MICOS13: variants seen among roughly 807,000 people sequenced by gnomAD.
The protein encoded by MICOS13 is mitochondrial contact site and cristae organizing system subunit 13.
MICOS13 carries 15 observed loss-of-function variants against 16.1 expected under a neutral mutation model. The ratio of observed to expected loss-of-function variants is 0.93; its 90% CI spans 0.62 to 1.44. MICOS13 has a LOEUF of 1.44. MICOS13 is among the 40% of genes most tolerant of loss of function. MICOS13 has a pLI of 0.00. For synonymous variants in MICOS13, 61 were observed against 62.6 expected, an observed-to-expected ratio of 0.97 and a Z score of 0.12; for missense variants, 164 against 155.0, an observed-to-expected ratio of 1.06 and a Z score of -0.31.
Position 5,679,246 on chromosome 19 carries a change from C to T in MICOS13, c.259+99G>A, listed in dbSNP as rs771912112. The T allele has an allele frequency of 2.2e-5, 28 of 1,281,078 alleles. No individual in the cohort carries two copies. In the Admixed American group the frequency reaches 3.7e-4, roughly 17 times the overall value. The allele number at this position is 1,281,078 out of a possible 1,614,324, so 79.4% of individuals were successfully genotyped here. A position where few individuals can be genotyped will look rare whatever the true frequency, so the allele number is the denominator to read the frequency against. ...TTTTAGATCCCTAAGAGACACGTGTCGGGCAGGAAGGAGGATGGACAGAAA... is the reference window on the plus strand; with the variant it reads ...TTTTAGATCCCTAAGAGACACGTGTTGGGCAGGAAGGAGGATGGACAGAAA... On this transcript the variant is annotated intron_variant, in intron 3 of 3. Transcript: ENST00000309324.
chr19:5,679,160 C>T (rs760872326), intron 3 of MICOS13, 185 bp downstream of exon 3: 8 of 632,192 alleles, frequency 1.3e-5, no homozygotes, highest in Non-Finnish European at 2.2e-5. Flanking sequence ...GATCCGCCCA[C>T]CTCAGCCTCC....
At position 5,678,459 on chromosome 19, in the gene MICOS13, A is replaced by G; in HGVS notation, c.*92T>C. On this transcript the variant is annotated 3_prime_UTR_variant, in exon 4 of 4. Transcript: ENST00000309324. ...CCTTTATTGGGCCGGCAAGGCCGGG[A>G]GCTGCCCTCGGAGTGGGGTCCCAGT... The G allele has an allele frequency of 8.1e-7, 1 of 1,228,158 alleles. No individual in the cohort carries two copies. The highest frequency in any genetic ancestry group is 1.2e-6 in the Non-Finnish European group (1 of 869,478). The allele number at this position is 1,228,158 out of a possible 1,614,324, so 76.1% of individuals were successfully genotyped here.
chr19:5,680,412 A>T (rs376622319), intron 1 of MICOS13, 46 bp downstream of exon 1: 447 of 1,612,434 alleles, frequency 2.8e-4, no homozygotes, highest in Non-Finnish European at 3.6e-4. Context: ...GCCCACAAAA[A>T]TGGACTTTTT....
rs933831782 is a variant in MICOS13, at chr19:5,679,883, T to C, written c.30-120A>G. The C allele has an allele frequency of 7.2e-6, 10 of 1,386,380 alleles. No homozygotes were observed. The Admixed American group carries it at 1.8e-4, about 25-fold the overall frequency. 85.9% of individuals were successfully genotyped at this position (1,386,380 alleles called of 1,614,324 possible). On this transcript the variant is annotated intron_variant, in intron 1 of 3. Coordinates refer to ENST00000309324, the MANE Select transcript of MICOS13 (RefSeq NM_205767.3). ...GCTCACCGTCCACAGGGTGACACTC[T>C]GTAGTGCAGCACCGTCGACCCAGAC...
chr19:5,680,030 G>A (rs1255041970), intron 1 of MICOS13: 3 of 1,512,594 alleles, frequency 2.0e-6, no homozygotes, highest in Non-Finnish European at 2.6e-6. Flanking sequence ...AGTGAGCAGG[G>A]GCAGTGAAGA....
intron 1 of MICOS13, chr19:5,680,075 C>T: frequency 6.5e-7 from 1 of 1,533,496 alleles, no homozygotes; most frequent in East Asian, 2.4e-5. Flanking sequence ...CCTTCCAGCC[C>T]TGGAGAAACC....
At chr19:5,679,516 T>G in intron 2 of MICOS13, 70 bp downstream of exon 2, 1 of 1,594,600 alleles carries the variant, frequency 6.3e-7, no homozygotes, top group Non-Finnish European at 8.6e-7. Flanking sequence ...GACAACATCG[T>G]GCAGGGCTGG....
At position 5,679,729 on chromosome 19, in the gene MICOS13, C is replaced by A. The variant is rs1417149665; in HGVS notation, c.64G>T (p.Val22Phe). ...LIKGSVAGGAVYLVYDQELLG... is the reference protein window; with the variant it reads ...LIKGSVAGGAFYLVYDQELLG... Reference sequence around the variant, plus strand: ...AGCTCCTGGTCGTACACCAGGTAGACGGCGCCCCCAGCCACACTTCCCTTG... The same window carrying A: ...AGCTCCTGGTCGTACACCAGGTAGAAGGCGCCCCCAGCCACACTTCCCTTG... Residue 22 changes from valine (V) to phenylalanine (F), a missense_variant, in exon 2 of 4, where the codon GTC becomes TTC. Val to Phe is a conservative substitution (Grantham distance 50). Transcript: ENST00000309324. 1 of 1,608,904 alleles carries A rather than the reference C, an allele frequency of 6.2e-7. No homozygotes were observed. The highest frequency in any genetic ancestry group is 8.5e-7 in the Non-Finnish European group (1 of 1,179,052).
Position 5,678,617 on chromosome 19 carries a change from C to T in MICOS13, c.291G>A (p.Val97=), listed in dbSNP as rs1403739702. The change falls in exon 4 of 4, where the codon GTG becomes GTA. Residue 97 remains valine (V), a synonymous_variant. Transcript: ENST00000309324. ...AGTACTCGCGGGCCTTGGAGGGGGC[C>T]ACCGACAGAGCTGACATCACCGTCA... The part of the protein sequence containing the change: ...GIMTVMSALS[V]APSKAREYSK... The T allele has an allele frequency of 1.3e-6, 2 of 1,546,058 alleles. No individual in the cohort carries two copies. The highest frequency in any genetic ancestry group is 2.0e-5 in the Admixed American group (1 of 50,272).
Position 5,678,626 on chromosome 19 carries a change from A to G in MICOS13, c.282T>C (p.Ala94=), listed in dbSNP as rs372431867. 2.6e-6 allele frequency: 4 copies of G among 1,542,502 alleles called. No individual in the cohort carries two copies. The African/African-American group carries it at 4.1e-5, about 16-fold the overall frequency. ...GGGCCTTGGAGGGGGCCACCGACAG[A>G]GCTGACATCACCGTCATGATGCCTG... ...WNAGIMTVMS[A]LSVAPSKARE... Residue 94 remains alanine, a synonymous_variant, in exon 4 of 4, where the codon GCT becomes GCC. Transcript: ENST00000309324.
intron 2 of MICOS13, 37 bp downstream of exon 2, chr19:5,679,548 AC>A: frequency 1.3e-6 from 2 of 1,597,580 alleles, no homozygotes; most frequent in Non-Finnish European, 1.7e-6. Flanking sequence ...AGAGCTGACC[AC>A]CCGCCAAACC....
chr19:5,680,324 G>A (rs769722644), intron 1 of MICOS13, 134 bp downstream of exon 1: 1 of 1,607,466 alleles, frequency 6.2e-7, no homozygotes, highest in South Asian at 1.1e-5. Context: ...TCCCTATCTG[G>A]CCCATAGGCG....
At chr19:5,680,388 C>G in intron 1 of MICOS13, 70 bp downstream of exon 1, 1 of 1,608,364 alleles carries the variant, frequency 6.2e-7, no homozygotes, top group Non-Finnish European at 8.5e-7. Context: ...CGGGACCAGA[C>G]TGGAGACAGG....
Position 5,679,816 on chromosome 19 carries a change from T to A in MICOS13, c.30-53A>T, listed in dbSNP as rs2054500496. 4 of 1,532,686 alleles carry A rather than the reference T, an allele frequency of 2.6e-6. No homozygotes were observed. In the African/African-American group the frequency reaches 5.5e-5, roughly 21 times the overall value. 94.9% of individuals were successfully genotyped at this position (1,532,686 alleles called of 1,614,324 possible). On this transcript the variant is annotated intron_variant, in intron 1 of 3. Coordinates refer to ENST00000309324, the MANE Select transcript of MICOS13 (RefSeq NM_205767.3). ...GCTCAGCGGACACTGACAGCCACCCTCAGGGGCCAAGGCCCACGGGGAGAG... is the reference window on the plus strand; with the variant it reads ...GCTCAGCGGACACTGACAGCCACCCACAGGGGCCAAGGCCCACGGGGAGAG...
chr19:5,678,515 C>G lies in MICOS13; in HGVS notation c.*36G>C. On this transcript the variant is annotated 3_prime_UTR_variant, in exon 4 of 4. Transcript: ENST00000309324. ...GTCTTCAGGTCAGTGGCAGCCCTGC[C>G]CGTTCTGGCCGGGGCAGGCGGCCCC... is the stretch of plus-strand genomic sequence containing the variant. 6.5e-7 allele frequency: 1 copy of G among 1,530,532 alleles called. No homozygotes were observed. The highest frequency in any genetic ancestry group is 8.8e-7 in the Non-Finnish European group (1 of 1,131,284). 94.8% of individuals were successfully genotyped at this position (1,530,532 alleles called of 1,614,324 possible).
At chr19:5,678,858 C>A (rs1204068908) in intron 3 of MICOS13, 2 of 512,050 alleles carry the variant, frequency 3.9e-6, no homozygotes, top group Non-Finnish European at 6.9e-6. Flanking sequence ...TCTCTTGCCT[C>A]AGCCTCCCAA....
Position 5,679,616 on chromosome 19 carries a change from CACGT to C in MICOS13, c.173_176del (p.Tyr58CysfsTer31). 6.2e-7 allele frequency: 1 copy of C among 1,611,216 alleles called. No individual in the cohort carries two copies. Among genetic ancestry groups the C allele is most frequent in the Non-Finnish European group, 8.5e-7 (1 of 1,179,270 alleles). On this transcript the variant is annotated frameshift_variant, in exon 2 of 4. Transcript: ENST00000309324. LOFTEE classifies it high-confidence loss of function. ...GTATCTGCAGGCCTGTCTGCTGACA[CACGT>C]ACTGGCTGAACTGGTACATGGCGGG...
At chr19:5,679,045 G>A (rs1018193957) in intron 3 of MICOS13, 23 of 393,462 alleles carry the variant, frequency 5.8e-5, no homozygotes, top group Middle Eastern at 1.4e-3. Flanking sequence ...AGCAGCAGCT[G>A]GGATTACAGG....
At chr19:5,680,303 A>G (rs766354495) in intron 1 of MICOS13, 155 bp downstream of exon 1, 8 of 1,610,304 alleles carry the variant, frequency 5.0e-6, no homozygotes, top group Non-Finnish European at 6.8e-6. Flanking sequence ...CGCCCCTCTG[A>G]AGCCTCAGTT....
Sources: allele counts gnomAD v4.1 joint callset, GRCh38; gene constraint gnomAD v4.1.1; transcripts MANE v1.5; gene names NCBI Gene and HGNC (gene_info 2026-07-23, HGNC 2026-07-21).